TINAG: variants seen among roughly 807,000 people sequenced by gnomAD.
TINAG encodes the protein tubulointerstitial nephritis antigen.
Under a neutral mutation model 72.7 loss-of-function variants are expected in TINAG, and 83 were observed. The observed-to-expected ratio is 1.14, with a 90% confidence interval of 0.96 to 1.37. TINAG has a LOEUF of 1.37. Among genes scored for constraint, TINAG ranks in the 40% most tolerant of loss-of-function variants. The pLI is 0.00. For synonymous variants in TINAG, 234 were observed against 189.9 expected, an observed-to-expected ratio of 1.23 and a Z score of -1.91; for missense variants, 685 against 576.6, an observed-to-expected ratio of 1.19 and a Z score of -1.93.
At chr6:54,307,934 G>C (rs557348183), upstream of TINAG, 1 of 1,073,394 alleles carries the variant, frequency 9.3e-7, no homozygotes, top group South Asian at 1.4e-5. Flanking sequence ...GCTGAATTAG[G>C]TTCCACTAAG....
At chr6:54,316,412 A>G (rs1340832231) in intron 1 of TINAG, among the ~76,000 whole-genome samples, 1 of 152,176 alleles carries the variant, frequency 6.6e-6, no homozygotes. Context: ...GAATTTTAAC[A>G]ATAAAACCCA....
chr6:54,325,158 T>C (rs1784575052), intron 3 of TINAG, among the ~76,000 whole-genome samples: 2 of 152,234 alleles, frequency 1.3e-5, no homozygotes, highest in South Asian at 2.1e-4. Context: ...CTAAATTTGC[T>C]TTATGTAAAA....
chr6:54,328,234 G>T (rs928598599), intron 4 of TINAG, among the ~76,000 whole-genome samples: 1 of 152,020 alleles, frequency 6.6e-6, no homozygotes, highest in African/African-American at 2.4e-5. Flanking sequence ...GCTGGCATCC[G>T]GTGGGTGCTG....
intron 1 of TINAG, among the ~76,000 whole-genome samples, 184 bp from the exon 2 acceptor site, chr6:54,320,395 C>G (rs1400242659): frequency 6.6e-6 from 1 of 152,084 alleles, no homozygotes; most frequent in Non-Finnish European, 1.5e-5. Context: ...AGCATTGAAA[C>G]AAGCACAGAA....
chr6:54,341,337 C>T (rs1784991848), intron 4 of TINAG, among the ~76,000 whole-genome samples: 1 of 152,010 alleles, frequency 6.6e-6, no homozygotes, highest in East Asian at 1.9e-4. Context: ...TGTATTCTGC[C>T]CCAACCCTAA....
Position 54,354,498 on chromosome 6 carries a change from TG to T in TINAG, c.1127-13del. On this transcript the variant is annotated splice_polypyrimidine_tract_variant and intron_variant, in intron 8 of 10. Transcript: ENST00000259782. ...TTTAATACTGTGCCATTTGTTCTGT[TG>T]GATTTTATTTTAGCCATAATGCAAG... 1 of 1,592,182 alleles carries T rather than the reference TG, an allele frequency of 6.3e-7. No homozygotes were observed. Among genetic ancestry groups the T allele is most frequent in the Non-Finnish European group, 8.5e-7 (1 of 1,172,266 alleles).
chr6:54,336,703 A>G (rs917471618), intron 4 of TINAG, among the ~76,000 whole-genome samples: 9 of 152,156 alleles, frequency 5.9e-5, no homozygotes, highest in Non-Finnish European at 1.0e-4. Context: ...TTTGTTTCCC[A>G]AGGAGACTAA....
At chr6:54,314,490 G>A (rs560970048) in intron 1 of TINAG, among the ~76,000 whole-genome samples, 3 of 152,114 alleles carry the variant, frequency 2.0e-5, no homozygotes, top group African/African-American at 7.2e-5. Context: ...TCAAAGAGAG[G>A]TTTTTCTTAG....
intron 1 of TINAG, among the ~76,000 whole-genome samples, chr6:54,314,889 C>T (rs945175836): frequency 6.6e-6 from 1 of 152,046 alleles, no homozygotes; most frequent in Non-Finnish European, 1.5e-5. Context: ...GTTTTTACTC[C>T]ATTCACTATG....
intron 5 of TINAG, among the ~76,000 whole-genome samples, chr6:54,345,692 C>T (rs1383835642): frequency 6.6e-6 from 1 of 151,944 alleles, no homozygotes; most frequent in Non-Finnish European, 1.5e-5. Context: ...ATGCCATTTG[C>T]TCCTGTGAAA....
At chr6:54,379,792 A>G (rs1763890123) in intron 9 of TINAG, among the ~76,000 whole-genome samples, 1 of 151,016 alleles carries the variant, frequency 6.6e-6, no homozygotes, top group Non-Finnish European at 1.5e-5. Context: ...TTTTTTTTTA[A>G]TATTATACTT....
intron 4 of TINAG, among the ~76,000 whole-genome samples, chr6:54,328,837 C>G (rs1784670555): frequency 6.6e-6 from 1 of 151,442 alleles, no homozygotes; most frequent in South Asian, 2.1e-4. Flanking sequence ...ACACAAGTAT[C>G]AATAGCTGAT....
At chr6:54,312,221 G>A (rs964008882) in intron 1 of TINAG, among the ~76,000 whole-genome samples, 2 of 151,876 alleles carry the variant, frequency 1.3e-5, no homozygotes. Context: ...ACCATGCCTG[G>A]CTATTTTTTT....
chr6:54,324,895 T>C (rs1040976980), intron 3 of TINAG, among the ~76,000 whole-genome samples: 2 of 152,210 alleles, frequency 1.3e-5, no homozygotes, highest in South Asian at 2.1e-4. Flanking sequence ...TTGTGAAACA[T>C]AAGTATTGTC....
At chr6:54,351,063 A>G (rs1785254532) in intron 7 of TINAG, among the ~76,000 whole-genome samples, 1 of 152,046 alleles carries the variant, frequency 6.6e-6, no homozygotes, top group South Asian at 2.1e-4. Flanking sequence ...AATTAGAGGT[A>G]CTAGTAATCT....
At position 54,347,464 on chromosome 6, in the gene TINAG, T is replaced by G. The variant is rs1785152010; in HGVS notation, c.846T>G (p.His282Gln). 6.2e-7 allele frequency: 1 copy of G among 1,613,334 alleles called. No individual in the cohort carries two copies. Among genetic ancestry groups the G allele is most frequent in the East Asian group, 2.2e-5 (1 of 44,804 alleles). The change falls in exon 6 of 11, where the codon CAT (histidine) becomes CAG (glutamine). Residue 282 changes from histidine (H) to glutamine (Q), a missense_variant. His to Gln is a conservative substitution (Grantham distance 24). Coordinates refer to ENST00000259782, the MANE Select transcript of TINAG (RefSeq NM_014464.4). ...TCTCTTGCTGTGCCAAGAACCGTCA[T>G]GGATGCAATAGTGGAAGCATCGATA... is the stretch of plus-strand genomic sequence containing the variant. ...NLISCCAKNR[H>Q]GCNSGSIDRA...
intron 4 of TINAG, among the ~76,000 whole-genome samples, chr6:54,342,427 C>T (rs1386886975): frequency 2.0e-5 from 3 of 150,934 alleles, no homozygotes; most frequent in Non-Finnish European, 4.4e-5. Context: ...AGCGCGATCT[C>T]GGCTCACTGC....
At chr6:54,333,048 G>A (rs986525064) in intron 4 of TINAG, among the ~76,000 whole-genome samples, 4 of 152,096 alleles carry the variant, frequency 2.6e-5, no homozygotes, top group Admixed American at 2.6e-4. Context: ...ACCATTGTGG[G>A]AGGCAGTGGG....
chr6:54,343,567 TAGAG>T (rs771792884), intron 5 of TINAG, among the ~76,000 whole-genome samples: 4 of 151,638 alleles, frequency 2.6e-5, no homozygotes, highest in Non-Finnish European at 4.4e-5. Context: ...AAATTTTAAA[TAGAG>T]AGCGAATCAA....
Sources: gnomAD v4.1 joint callset for allele counts (sites outside exome capture counted in the v4.1 genomes callset) on GRCh38, gnomAD v4.1.1 for gene constraint, MANE v1.5 for transcripts, NCBI Gene and HGNC (gene_info 2026-07-23, HGNC 2026-07-21) for gene names.